Variants in RAF1 observed in about 807,000 individuals in gnomAD.
RAF1 encodes the protein Raf-1 proto-oncogene, serine/threonine kinase.
In RAF1, 27 loss-of-function variants were observed where a neutral mutation model predicts 81.1. The observed-to-expected ratio is 0.33, with a 90% CI of 0.25 to 0.46. RAF1 has a LOEUF of 0.46. Ranked by LOEUF, RAF1 falls within the 20% of genes least tolerant of loss-of-function variation. The pLI, the probability that RAF1 is intolerant of heterozygous loss-of-function variation, is 1.00. For synonymous variants in RAF1, 298 were observed against 294.0 expected (o/e 1.01, Z -0.14); for missense variants, 598 against 826.0 (o/e 0.72, Z 3.38).
chr3:12,646,419 C>T (rs1457772127), intron 1 of RAF1, among the ~76,000 whole-genome samples: 2 of 152,090 alleles, frequency 1.3e-5, no homozygotes, highest in African/African-American at 2.4e-5. Context: ...CTGTCACCCA[C>T]GCTGGAGTGC....
intron 11 of RAF1, among the ~76,000 whole-genome samples, chr3:12,592,281 TG>T (rs1423891384): frequency 6.6e-6 from 1 of 152,144 alleles, no homozygotes; most frequent in African/African-American, 2.4e-5. Flanking sequence ...TGGTTGCTGG[TG>T]TAAGGAAGCA....
intron 1 of RAF1, among the ~76,000 whole-genome samples, chr3:12,640,049 G>A (rs1004614055): frequency 8.6e-5 from 13 of 151,986 alleles, no homozygotes; most frequent in South Asian, 2.1e-4. Flanking sequence ...GAACAGAGCC[G>A]CCAGAAATAA....
chr3:12,648,333 GA>G (rs35092632), intron 1 of RAF1, among the ~76,000 whole-genome samples: 11 of 148,694 alleles, frequency 7.4e-5, no homozygotes, highest in Admixed American at 6.0e-4. Flanking sequence ...AAGGAAGGGG[GA>G]AAAAAATCAC....
chr3:12,590,732 C>T lies in RAF1; in HGVS notation c.1430+66G>A. On this transcript the variant is annotated intron_variant, in intron 13 of 17. Transcript: ENST00000442415. Reference sequence around the variant, plus strand: ...AATGGACTAGAAGGCTTTTCCTGATCCTGGTTCCAATTTAGGGACAAATTT... The same window carrying T: ...AATGGACTAGAAGGCTTTTCCTGATTCTGGTTCCAATTTAGGGACAAATTT... 5 of 1,516,050 alleles carry T rather than the reference C, an allele frequency of 3.3e-6. No homozygotes were observed. In the South Asian group the frequency reaches 5.6e-5, roughly 17 times the overall value. The allele number at this position is 1,516,050 out of a possible 1,614,324, so 93.9% of individuals were successfully genotyped here.
intron 1 of RAF1, among the ~76,000 whole-genome samples, chr3:12,626,702 T>A (rs1408790768): frequency 6.6e-6 from 1 of 152,082 alleles, no homozygotes; most frequent in Non-Finnish European, 1.5e-5. Flanking sequence ...TTCTGCTCAA[T>A]GATAAAGTTT....
At chr3:12,626,706 A>G (rs1236515006) in intron 1 of RAF1, among the ~76,000 whole-genome samples, 4 of 152,140 alleles carry the variant, frequency 2.6e-5, no homozygotes, top group Non-Finnish European at 5.9e-5. Context: ...GCTCAATGAT[A>G]AAGTTTTTTT....
intron 9 of RAF1, 52 bp downstream of exon 8, chr3:12,600,336 G>A (rs1481781621): frequency 1.5e-5 from 24 of 1,613,788 alleles, no homozygotes; most frequent in East Asian, 2.2e-5. Flanking sequence ...AAGATACACC[G>A]CATAAAGAAA....
rs935176104 is a variant in RAF1, at chr3:12,641,368, T to TA, written c.-27+22444dup. 3.8e-3 allele frequency among the ~76,000 whole-genome samples: 548 copies of TA among 143,694 alleles called. 3 individuals carry two copies. Among genetic ancestry groups the TA allele is most frequent in the Non-Finnish European group, 4.9e-3 (320 of 65,676 alleles). 94.3% of individuals were successfully genotyped at this position (143,694 alleles called of 152,430 possible). Reference sequence around the variant, plus strand: ...ACATGTACTCTAGAACTTAAAGTATTAAAAAAAAAAGAATGTACAGAAAGA... The same window carrying TA: ...ACATGTACTCTAGAACTTAAAGTATTAAAAAAAAAAAGAATGTACAGAAAGA... On this transcript the variant is annotated intron_variant, in intron 1 of 17. Transcript: ENST00000442415.
intron 1 of RAF1, among the ~76,000 whole-genome samples, chr3:12,662,981 C>T (rs2060927737): frequency 6.6e-6 from 1 of 152,106 alleles, no homozygotes; most frequent in Non-Finnish European, 1.5e-5. Flanking sequence ...CCCCCTAGAA[C>T]CCGTTCACAT....
At chr3:12,661,121 T>C (rs2060863707) in intron 1 of RAF1, among the ~76,000 whole-genome samples, 1 of 152,198 alleles carries the variant, frequency 6.6e-6, no homozygotes, top group Admixed American at 6.5e-5. Context: ...TCTTCAGTGG[T>C]ATATAATCAT....
intron 6 of RAF1, 60 bp downstream of exon 6, chr3:12,606,141 G>T (rs1199726813): frequency 1.5e-6 from 2 of 1,313,356 alleles, no homozygotes; most frequent in African/African-American, 1.5e-5. Flanking sequence ...TTGTCTTCAA[G>T]CTTCCAACCC....
chr3:12,649,076 T>C (rs908351789), intron 1 of RAF1, among the ~76,000 whole-genome samples: 3 of 151,962 alleles, frequency 2.0e-5, no homozygotes, highest in Non-Finnish European at 4.4e-5. Context: ...ATCACGCCAT[T>C]GCACTCCAGC....
chr3:12,636,704 G>A (rs9828762), intron 1 of RAF1, among the ~76,000 whole-genome samples: 89,444 of 151,626 alleles, frequency 0.59, 26,969 homozygotes, highest in East Asian at 0.92. Flanking sequence ...CTACCTGGGC[G>A]GCTGAGAGGG....
intron 1 of RAF1, among the ~76,000 whole-genome samples, chr3:12,662,314 C>T (rs1205111559): frequency 1.2e-4 from 15 of 125,804 alleles, no homozygotes; most frequent in African/African-American, 4.3e-4. Context: ...CTAGCCTGGG[C>T]GACAGAGTGA....
chr3:12,604,745 T>C (rs2058973778), intron 6 of RAF1, among the ~76,000 whole-genome samples: 1 of 152,198 alleles, frequency 6.6e-6, no homozygotes, highest in East Asian at 1.9e-4. Context: ...TTTTACCCTC[T>C]GTTTGTCCTT....
At chr3:12,614,362 T>C (rs891174426) in intron 2 of RAF1, among the ~76,000 whole-genome samples, 1 of 152,132 alleles carries the variant, frequency 6.6e-6, no homozygotes, top group Non-Finnish European at 1.5e-5. Flanking sequence ...TAGCTAAGTG[T>C]TGAAAGTGGG....
chr3:12,663,097 C>T (rs2060931492), intron 1 of RAF1, among the ~76,000 whole-genome samples: 1 of 152,204 alleles, frequency 6.6e-6, no homozygotes, highest in African/African-American at 2.4e-5. Flanking sequence ...GGCCGCCTCG[C>T]CTCTCACGAC....
chr3:12,618,400 A>T, intron 2 of RAF1, 115 bp downstream of exon 2: 1 of 1,138,630 alleles, frequency 8.8e-7, no homozygotes, highest in Non-Finnish European at 1.3e-6. Flanking sequence ...GAAAAAAAAA[A>T]ATAAAGACCC....
chr3:12,634,867 C>T (rs2059971280), intron 1 of RAF1, among the ~76,000 whole-genome samples: 1 of 152,084 alleles, frequency 6.6e-6, no homozygotes. Context: ...AGCTGAACAA[C>T]ATTAATAAAA....
Sources: gnomAD v4.1 joint callset for allele counts (sites outside exome capture counted in the v4.1 genomes callset) on GRCh38, gnomAD v4.1.1 for gene constraint, MANE v1.5 for transcripts, NCBI Gene and HGNC (gene_info 2026-07-23, HGNC 2026-07-21) for gene names.